TECRL: variants seen among roughly 807,000 people sequenced by gnomAD.
TECRL encodes trans-2,3-enoyl-CoA reductase-like.
Under a neutral mutation model 52.8 loss-of-function variants are expected in TECRL, and 63 were observed. The observed-to-expected ratio is 1.19, with a 90% confidence interval of 0.97 to 1.47. TECRL has a LOEUF of 1.47. TECRL is among the 40% of genes most tolerant of loss of function. TECRL has a pLI of 0.00. For synonymous variants in TECRL, 164 were observed against 141.9 expected (o/e 1.16, Z -1.10); for missense variants, 482 against 429.6 (o/e 1.12, Z -1.08).
At chr4:64,375,105 GA>G (rs1722303912) in intron 2 of TECRL, 66 bp downstream of exon 2, 1 of 829,958 alleles carries the variant, frequency 1.2e-6, no homozygotes, top group African/African-American at 1.8e-5. Flanking sequence ...TGCACTTATA[GA>G]AAAATTTAAA....
Position 64,309,726 on chromosome 4 carries a change from GA to G in TECRL, c.657+99del, listed in dbSNP as rs530387705. 9.3e-4 allele frequency: 759 copies of G among 814,624 alleles called. 4 individuals carry two copies. The African/African-American group carries it at 0.012, about 13-fold the overall frequency. The allele number at this position is 814,624 out of a possible 1,614,324, so 50.5% of individuals were successfully genotyped here. A position where few individuals can be genotyped will look rare whatever the true frequency, so the allele number is the denominator to read the frequency against. ...TAAGTATGCTTATGCAATTAAACGT[GA>G]AAATCTAAGTTTCGGAAGGAAACAA... On this transcript the variant is annotated intron_variant, in intron 6 of 11. Transcript: ENST00000381210.
At chr4:64,332,115 A>T (rs1718681263) in intron 2 of TECRL, among the ~76,000 whole-genome samples, 1 of 152,174 alleles carries the variant, frequency 6.6e-6, no homozygotes, top group African/African-American at 2.4e-5. Flanking sequence ...AACTACCCTT[A>T]GCCACATTCC....
At chr4:64,294,998 C>T (rs953096895) in intron 8 of TECRL, among the ~76,000 whole-genome samples, 106 of 151,880 alleles carry the variant, frequency 7.0e-4, no homozygotes, top group African/African-American at 2.4e-3. Context: ...CATTCATAAA[C>T]ATTTTATCTT....
At chr4:64,350,995 C>T (rs181018323) in intron 2 of TECRL, among the ~76,000 whole-genome samples, 2 of 75,748 alleles carry the variant, frequency 2.6e-5, no homozygotes, top group African/African-American at 3.8e-5. Context: ...GTGGATAACA[C>T]CAAAGGAGGA....
chr4:64,396,843 A>G (rs1326746285), intron 1 of TECRL, among the ~76,000 whole-genome samples: 3 of 152,090 alleles, frequency 2.0e-5, no homozygotes, highest in African/African-American at 4.8e-5. Flanking sequence ...TGGCGACAGG[A>G]AGGTGTCCAG....
chr4:64,318,457 A>ATG (rs1462348932), intron 4 of TECRL, among the ~76,000 whole-genome samples: 3 of 151,916 alleles, frequency 2.0e-5, no homozygotes, highest in South Asian at 2.1e-4. Context: ...AATTATATGC[A>ATG]TGTGTGTGTG....
chr4:64,300,329 A>G (rs1044426228), intron 7 of TECRL, among the ~76,000 whole-genome samples: 1 of 150,910 alleles, frequency 6.6e-6, no homozygotes, highest in Non-Finnish European at 1.5e-5. Flanking sequence ...ATGGCCAAGC[A>G]TATAATGGCA....
intron 1 of TECRL, among the ~76,000 whole-genome samples, chr4:64,383,690 A>G (rs561772672): frequency 6.6e-6 from 1 of 151,970 alleles, no homozygotes; most frequent in South Asian, 2.1e-4. Flanking sequence ...ATGTCTCACT[A>G]AGCTTCTTTA....
At chr4:64,408,168 T>G (rs1410489157) in intron 1 of TECRL, among the ~76,000 whole-genome samples, 1 of 151,860 alleles carries the variant, frequency 6.6e-6, no homozygotes, top group East Asian at 1.9e-4. Flanking sequence ...ATTATGTGCT[T>G]GGCAATTATT....
chr4:64,334,728 T>C (rs974068782), intron 2 of TECRL, among the ~76,000 whole-genome samples: 1 of 152,178 alleles, frequency 6.6e-6, no homozygotes, highest in Non-Finnish European at 1.5e-5. Flanking sequence ...CTCTGAATTA[T>C]ACAATAAAAA....
At chr4:64,401,234 C>T (rs1165916821) in intron 1 of TECRL, among the ~76,000 whole-genome samples, 4 of 152,240 alleles carry the variant, frequency 2.6e-5, no homozygotes, top group South Asian at 2.1e-4. Flanking sequence ...GCAAGGCAAT[C>T]AGGCCCTCTC....
chr4:64,303,057 T>C (rs1390705621), intron 7 of TECRL, among the ~76,000 whole-genome samples: 1 of 151,470 alleles, frequency 6.6e-6, no homozygotes, highest in Non-Finnish European at 1.5e-5. Context: ...ATTTGTGCTT[T>C]GTGAGTACAG....
intron 2 of TECRL, among the ~76,000 whole-genome samples, chr4:64,340,617 G>A (rs1225787895): frequency 6.6e-6 from 1 of 152,228 alleles, no homozygotes; most frequent in East Asian, 1.9e-4. Flanking sequence ...GGTACTAAGG[G>A]CAGCTTGGCA....
intron 1 of TECRL, among the ~76,000 whole-genome samples, chr4:64,393,537 C>T (rs1560554938): frequency 5.9e-5 from 9 of 151,960 alleles, no homozygotes; most frequent in South Asian, 4.1e-4. Flanking sequence ...TTTGATTATA[C>T]TGCCTTCCTA....
At chr4:64,386,406 G>C (rs1723180256) in intron 1 of TECRL, among the ~76,000 whole-genome samples, 1 of 152,036 alleles carries the variant, frequency 6.6e-6, no homozygotes, top group African/African-American at 2.4e-5. Context: ...GAAGATGAGG[G>C]TTTGGTTGTT....
intron 2 of TECRL, among the ~76,000 whole-genome samples, chr4:64,347,639 C>T (rs1035181173): frequency 3.7e-4 from 56 of 151,974 alleles, no homozygotes; most frequent in Non-Finnish European, 1.8e-4. Flanking sequence ...ATAAAGCACA[C>T]GGGAAATTGC....
At position 64,305,172 on chromosome 4, in the gene TECRL, G is replaced by T; in HGVS notation, c.724C>A (p.Pro242Thr). 2 of 1,609,920 alleles carry T rather than the reference G, an allele frequency of 1.2e-6. No homozygotes were observed. The highest frequency in any genetic ancestry group is 1.7e-6 in the Non-Finnish European group (2 of 1,176,974). Residue 242 changes from proline (P) to threonine (T), a missense_variant, in exon 7 of 12, where the codon CCA becomes ACA. Coordinates refer to ENST00000381210, the MANE Select transcript of TECRL (RefSeq NM_001010874.5). ...AAGAAGAAACCCTACATACATGGTG[G>T]TGTATATAGTGGATGATTAATGTAG... ...AYYINHPLYT[P>T]PSFGNRQITV... is the part of the protein sequence containing the mutation.
intron 1 of TECRL, among the ~76,000 whole-genome samples, chr4:64,384,185 C>A (rs1723014659): frequency 6.6e-6 from 1 of 151,940 alleles, no homozygotes; most frequent in African/African-American, 2.4e-5. Context: ...GTGGTATATT[C>A]CAGGTAGGAT....
intron 1 of TECRL, among the ~76,000 whole-genome samples, chr4:64,383,201 C>G (rs1190672745): frequency 2.0e-5 from 3 of 152,014 alleles, no homozygotes; most frequent in Non-Finnish European, 2.9e-5. Context: ...TTAGTATTCT[C>G]TCTGTCTTTG....
Sources: allele counts gnomAD v4.1 joint callset (sites outside exome capture counted in the v4.1 genomes callset), GRCh38; gene constraint gnomAD v4.1.1; transcripts MANE v1.5; gene names NCBI Gene and HGNC (gene_info 2026-07-23, HGNC 2026-07-21).